Variants in SOX6 observed in about 807,000 individuals in gnomAD.
The protein encoded by SOX6 is transcription factor SOX-6.
In SOX6, 11 loss-of-function variants were observed where a neutral mutation model predicts 97.8. The ratio of observed to expected loss-of-function variants is 0.11; its 90% confidence interval spans 0.07 to 0.19. The LOEUF is 0.19. Ranked by LOEUF, SOX6 falls within the 10% of genes least tolerant of loss-of-function variation. SOX6 has a pLI of 1.00. For synonymous variants in SOX6, 360 were observed against 371.4 expected, an observed-to-expected ratio of 0.97 and a Z score of 0.35; for missense variants, 810 against 1,039.5, an observed-to-expected ratio of 0.78 and a Z score of 3.04.
At chr11:16,717,028 C>T (rs1848224361) in intron 2 of SOX6, among the ~76,000 whole-genome samples, 1 of 151,946 alleles carries the variant, frequency 6.6e-6, no homozygotes, top group Admixed American at 6.6e-5. Context: ...GATTTGTATA[C>T]TTTTCTGTAT....
At chr11:16,034,763 T>C (rs1245355049) in intron 12 of SOX6, among the ~76,000 whole-genome samples, 1 of 152,002 alleles carries the variant, frequency 6.6e-6, no homozygotes, top group Non-Finnish European at 1.5e-5. Flanking sequence ...CCAGGTCAAC[T>C]GACACAGACA....
chr11:16,602,690 T>C (rs1164359754), intron 4 of SOX6, among the ~76,000 whole-genome samples: 2 of 152,198 alleles, frequency 1.3e-5, no homozygotes, highest in Non-Finnish European at 2.9e-5. Context: ...CGTGTCCTCA[T>C]TTCCCACCAA....
chr11:16,077,042 C>T (rs916506559), intron 9 of SOX6, among the ~76,000 whole-genome samples: 40 of 151,934 alleles, frequency 2.6e-4, no homozygotes, highest in Admixed American at 9.2e-4. Flanking sequence ...CGTGAGCCAC[C>T]GCGCCCGGCC....
At chr11:16,187,513 C>T (rs2134107440) in intron 4 of SOX6, among the ~76,000 whole-genome samples, 1 of 152,174 alleles carries the variant, frequency 6.6e-6, no homozygotes, top group Admixed American at 6.5e-5. Context: ...AGAATTAAAA[C>T]TGCCTCAGGT....
intron 4 of SOX6, among the ~76,000 whole-genome samples, chr11:16,197,059 C>T (rs1217966581): frequency 1.3e-5 from 2 of 152,068 alleles, no homozygotes; most frequent in Non-Finnish European, 2.9e-5. Context: ...GTCTTGAACT[C>T]CTGACCTCAG....
chr11:16,129,045 T>TTTG (rs1230078728), intron 6 of SOX6, among the ~76,000 whole-genome samples: 1 of 150,244 alleles, frequency 6.7e-6, no homozygotes, highest in Non-Finnish European at 1.5e-5. Flanking sequence ...TTTTTTTTTT[T>TTTG]TTAGTAGAGA....
intron 4 of SOX6, among the ~76,000 whole-genome samples, chr11:16,518,786 G>A (rs1472900831): frequency 3.3e-5 from 5 of 152,084 alleles, no homozygotes; most frequent in African/African-American, 9.6e-5. Flanking sequence ...CAAAAAAAAC[G>A]TAAATAAGCT....
chr11:16,039,074 T>C (rs573538920), intron 12 of SOX6, among the ~76,000 whole-genome samples: 2 of 152,270 alleles, frequency 1.3e-5, no homozygotes, highest in African/African-American at 4.8e-5. Flanking sequence ...GGCCATCCTT[T>C]AGCAATTAGG....
chr11:16,031,336 T>C (rs1288994494), intron 12 of SOX6: 4 of 152,222 alleles, frequency 2.6e-5, no homozygotes, highest in Admixed American at 1.3e-4. Context: ...TCTGAAGCTA[T>C]TCAAATCCAG....
intron 4 of SOX6, among the ~76,000 whole-genome samples, chr11:16,221,419 A>G (rs1434090208): frequency 1.3e-5 from 2 of 151,718 alleles, no homozygotes; most frequent in Admixed American, 6.6e-5. Context: ...TTAATAGTCT[A>G]TGTGATGAAA....
chr11:16,035,020 C>G (rs148395661), intron 12 of SOX6, among the ~76,000 whole-genome samples: 15 of 152,284 alleles, frequency 9.9e-5, no homozygotes, highest in Middle Eastern at 6.8e-3. Flanking sequence ...AAGGAACAGA[C>G]TCACAGAGAC....
At chr11:16,538,109 A>G (rs887524685) in intron 4 of SOX6, among the ~76,000 whole-genome samples, 2 of 152,200 alleles carry the variant, frequency 1.3e-5, no homozygotes, top group East Asian at 3.8e-4. Flanking sequence ...GGAAGCCCAT[A>G]AGACTAACAG....
intron 6 of SOX6, among the ~76,000 whole-genome samples, chr11:16,114,097 C>A (rs1349047835): frequency 6.6e-6 from 1 of 152,090 alleles, no homozygotes; most frequent in Non-Finnish European, 1.5e-5. Flanking sequence ...ATGTTTAAAG[C>A]AAATACGTAA....
chr11:15,966,728 T>C lies in SOX6; in HGVS notation c.*6081A>G, dbSNP rs575092877. On this transcript the variant is annotated 3_prime_UTR_variant, in exon 16 of 16. Coordinates refer to ENST00000683767, the MANE Select transcript of SOX6 (RefSeq NM_001367873.1). ...TACACCAGGATAGATAAAGACAGTG[T>C]GTCTTTCAATTTTGTCTTTTCCCTT... 7.2e-5 allele frequency: 11 copies of C among 152,084 alleles called. No individual in the cohort carries two copies. The South Asian group carries it at 2.3e-3, about 32-fold the overall frequency. 9.4% of individuals were successfully genotyped at this position (152,084 alleles called of 1,614,324 possible).
In SOX6 at chr11:16,341,269, G is replaced by T. The variant is rs200674391; in HGVS notation, c.-4-17C>A. The stretch of plus-strand genomic sequence containing the variant: ...GACATTCTTCTGCAGAAAAAAAACA[G>T]AACGGATTAAAAATGGCTGTCAATA... On this transcript the variant is annotated splice_polypyrimidine_tract_variant and intron_variant, in intron 1 of 15. Transcript: ENST00000683767. 5 of 1,611,768 alleles carry T rather than the reference G, an allele frequency of 3.1e-6. No individual in the cohort carries two copies. Among genetic ancestry groups the T allele is most frequent in the Non-Finnish European group, 4.2e-6 (5 of 1,178,704 alleles).
rs951525846 is a variant in SOX6, at chr11:16,685,760, A to G, written n.429+29070T>C. On this transcript the variant is annotated intron_variant and non_coding_transcript_variant, in intron 3 of 5. Coordinates refer to the SOX6 transcript ENST00000524520. ...TCACAGCTCCGCTAGGCAATGCCCC[A>G]GTAGGGACTCTGTGTTGGGGTTCTA... is the stretch of plus-strand genomic sequence containing the variant. 2.0e-5 allele frequency among the ~76,000 whole-genome samples: 3 copies of G among 152,274 alleles called. 1 individual carries two copies. The highest frequency in any genetic ancestry group is 7.2e-5 in the African/African-American group (3 of 41,474).
intron 3 of SOX6, among the ~76,000 whole-genome samples, chr11:16,678,024 A>G (rs915944877): frequency 6.6e-6 from 1 of 152,142 alleles, no homozygotes; most frequent in African/African-American, 2.4e-5. Flanking sequence ...TAGAATATTC[A>G]TGTATTTCTT....
At chr11:16,308,789 A>G (rs979152073) in intron 3 of SOX6, among the ~76,000 whole-genome samples, 10 of 152,190 alleles carry the variant, frequency 6.6e-5, no homozygotes, top group Non-Finnish European at 1.2e-4. Context: ...TTCCTAACAA[A>G]CCTAGTAATC....
chr11:16,268,998 T>A (rs1854163681), intron 3 of SOX6, among the ~76,000 whole-genome samples: 1 of 150,892 alleles, frequency 6.6e-6, no homozygotes. Context: ...GGCCTTTCAT[T>A]CAAGAGAAAT....
Sources: allele counts gnomAD v4.1 joint callset (sites outside exome capture counted in the v4.1 genomes callset), GRCh38; gene constraint gnomAD v4.1.1; transcripts MANE v1.5; gene names NCBI Gene and HGNC (gene_info 2026-07-23, HGNC 2026-07-21).